Variants in HMGXB4 observed in about 807,000 individuals in gnomAD.
HMGXB4 encodes HMG-box containing 4, also known as HMG domain-containing protein 4.
Under a neutral mutation model 63.9 loss-of-function variants are expected in HMGXB4, and 27 were observed. That is an observed-to-expected ratio of 0.42 (90% CI 0.31 to 0.58). The LOEUF is 0.58. Ranked by LOEUF, HMGXB4 falls within the 20% of genes least tolerant of loss-of-function variation. The pLI is 0.13. For synonymous variants in HMGXB4, 264 were observed against 265.3 expected, an observed-to-expected ratio of 0.99 and a Z score of 0.05; for missense variants, 624 against 700.7, an observed-to-expected ratio of 0.89 and a Z score of 1.24.
intron 5 of HMGXB4, among the ~76,000 whole-genome samples, chr22:35,267,482 A>C (rs1050489859): frequency 1.3e-5 from 2 of 152,312 alleles, no homozygotes; most frequent in South Asian, 2.1e-4. Context: ...AAGTGGACGC[A>C]TGGAGGCAGA....
upstream of HMGXB4, among the ~76,000 whole-genome samples, chr22:35,254,825 G>A (rs1018794989): frequency 1.3e-5 from 2 of 152,226 alleles, no homozygotes; most frequent in African/African-American, 4.8e-5. Context: ...GTAGGCTGAG[G>A]AGAGATCTGA....
At chr22:35,256,005 T>G (rs1046449976), upstream of HMGXB4, among the ~76,000 whole-genome samples, 1 of 152,242 alleles carries the variant, frequency 6.6e-6, no homozygotes, top group African/African-American at 2.4e-5. Context: ...GCAAATGATT[T>G]CAGCAACTTT....
chr22:35,275,530 T>TA (rs1923859413), intron 5 of HMGXB4, among the ~76,000 whole-genome samples: 1 of 152,310 alleles, frequency 6.6e-6, no homozygotes, highest in South Asian at 2.1e-4. Flanking sequence ...ATCAGGTTCT[T>TA]ACAGTTCTAT....
intron 5 of HMGXB4, among the ~76,000 whole-genome samples, chr22:35,272,084 G>A (rs771631564): frequency 1.2e-4 from 19 of 152,186 alleles, no homozygotes; most frequent in Non-Finnish European, 2.6e-4. Flanking sequence ...AATGAAATAG[G>A]TAAATGGATA....
At position 35,287,337 on chromosome 22, in the gene HMGXB4, G is replaced by A; in HGVS notation, c.1363-10G>A. On this transcript the variant is annotated splice_polypyrimidine_tract_variant and intron_variant, in intron 7 of 10. Coordinates refer to ENST00000216106, the MANE Select transcript of HMGXB4 (RefSeq NM_001003681.3). ...TTAATTTAATTTAATGTTCACTGATGTGATTGCAGATTTGGAAGCAAAAAG... is the reference window on the plus strand; with the variant it reads ...TTAATTTAATTTAATGTTCACTGATATGATTGCAGATTTGGAAGCAAAAAG... 1.3e-6 allele frequency: 2 copies of A among 1,596,138 alleles called. No homozygotes were observed. Among genetic ancestry groups the A allele is most frequent in the South Asian group, 2.2e-5 (2 of 90,244 alleles).
At chr22:35,259,214 T>C (rs965104031) in intron 1 of HMGXB4, among the ~76,000 whole-genome samples, 1 of 152,242 alleles carries the variant, frequency 6.6e-6, no homozygotes, top group Non-Finnish European at 1.5e-5. Context: ...TACATTTTTA[T>C]GGTACCAGTT....
intron 9 of HMGXB4, among the ~76,000 whole-genome samples, chr22:35,291,958 G>A (rs1601646389): frequency 6.6e-6 from 1 of 152,198 alleles, no homozygotes; most frequent in East Asian, 1.9e-4. Flanking sequence ...GTGATGGCTA[G>A]GCCTTGAGAC....
At chr22:35,252,484 G>T (rs1922232083), upstream of HMGXB4, among the ~76,000 whole-genome samples, 1 of 152,204 alleles carries the variant, frequency 6.6e-6, no homozygotes, top group Non-Finnish European at 1.5e-5. Flanking sequence ...CCTCTGTGAT[G>T]GGCTTGTTTC....
At chr22:35,247,199 A>G in the HMGXB4 span, among the ~76,000 whole-genome samples, 1 of 152,174 alleles carries the variant, frequency 6.6e-6, no homozygotes, top group African/African-American at 2.4e-5. Flanking sequence ...TGACACAGTG[A>G]AGATACTTAA....
chr22:35,247,267 C>A, the HMGXB4 span, among the ~76,000 whole-genome samples: 2 of 152,162 alleles, frequency 1.3e-5, no homozygotes, highest in South Asian at 2.1e-4. Flanking sequence ...ATCAGAGAGG[C>A]CTTTACTCTA....
At chr22:35,270,149 A>G (rs1923517721) in intron 5 of HMGXB4, among the ~76,000 whole-genome samples, 1 of 152,210 alleles carries the variant, frequency 6.6e-6, no homozygotes, top group African/African-American at 2.4e-5. Flanking sequence ...GCCACATAGC[A>G]GGAGTTGAGT....
rs1925194674 is a variant in HMGXB4 at position 35,295,245 on chromosome 22, G to C, written c.*1594G>C. On this transcript the variant is annotated 3_prime_UTR_variant, in exon 11 of 11. Transcript: ENST00000216106. ...CTTCTCCCCACCAGTGTTGTCACAGGGCTATGTTGCTTAAAGGTAGTCTGG... is the reference window on the plus strand; with the variant it reads ...CTTCTCCCCACCAGTGTTGTCACAGCGCTATGTTGCTTAAAGGTAGTCTGG... The C allele has an allele frequency of 6.6e-6, 1 of 152,182 alleles. No individual in the cohort carries two copies. The highest frequency in any genetic ancestry group is 2.1e-4 in the South Asian group (1 of 4,830). The allele number at this position is 152,182 out of a possible 1,614,324, so 9.4% of individuals were successfully genotyped here.
the HMGXB4 span, among the ~76,000 whole-genome samples, chr22:35,243,557 G>A: frequency 6.6e-6 from 1 of 151,426 alleles, no homozygotes; most frequent in East Asian, 2.0e-4. Context: ...TTGTTATTGA[G>A]ACAGGGTCTC....
the HMGXB4 span, among the ~76,000 whole-genome samples, chr22:35,245,722 C>T: frequency 5.6e-4 from 85 of 152,234 alleles, no homozygotes; most frequent in African/African-American, 1.8e-3. Flanking sequence ...AGGGGTTTGC[C>T]GCCTCATTAC....
At chr22:35,287,227 C>T (rs1924643844) in intron 7 of HMGXB4, 120 bp from the exon 8 acceptor site, 1 of 739,584 alleles carries the variant, frequency 1.4e-6, no homozygotes, top group African/African-American at 1.8e-5. Flanking sequence ...AGCATTAACC[C>T]TCTGTCTGCC....
At chr22:35,251,303 C>G in the HMGXB4 span, among the ~76,000 whole-genome samples, 1 of 152,042 alleles carries the variant, frequency 6.6e-6, no homozygotes, top group African/African-American at 2.4e-5. Flanking sequence ...TCTCGATCTC[C>G]TGACCTCGTG....
At chr22:35,249,593 G>C in the HMGXB4 span, among the ~76,000 whole-genome samples, 1 of 94,042 alleles carries the variant, frequency 1.1e-5, no homozygotes, top group Non-Finnish European at 3.0e-5. Context: ...GGCCTAAACT[G>C]TGTTCATGTG....
the HMGXB4 span, among the ~76,000 whole-genome samples, chr22:35,252,320 C>T: frequency 9.4e-4 from 143 of 152,374 alleles, 1 homozygote; most frequent in African/African-American, 3.3e-3. Flanking sequence ...GTCTCTAGAA[C>T]ATATGCATCT....
At chr22:35,251,946 G>A in the HMGXB4 span, among the ~76,000 whole-genome samples, 2 of 152,296 alleles carry the variant, frequency 1.3e-5, no homozygotes, top group South Asian at 4.1e-4. Context: ...TGCGGTGACT[G>A]GCTCATTCCT....
Sources: allele counts gnomAD v4.1 joint callset (sites outside exome capture counted in the v4.1 genomes callset), GRCh38; gene constraint gnomAD v4.1.1; transcripts MANE v1.5; gene names NCBI Gene and HGNC (gene_info 2026-07-23, HGNC 2026-07-21).